ATP2B2: variants seen among roughly 807,000 people sequenced by gnomAD.
ATP2B2 encodes the protein ATPase plasma membrane Ca2+ transporting 2.
In ATP2B2, 15 loss-of-function variants were observed where a neutral mutation model predicts 120.0. The ratio of observed to expected loss-of-function variants is 0.12; its 90% CI spans 0.08 to 0.19. The LOEUF is 0.19. Among genes scored for constraint, ATP2B2 ranks in the 10% least tolerant of loss-of-function variants. ATP2B2 has a pLI of 1.00. For synonymous variants in ATP2B2, 694 were observed against 700.3 expected, an observed-to-expected ratio of 0.99 and a Z score of 0.14; for missense variants, 1,045 against 1,719.8, an observed-to-expected ratio of 0.61 and a Z score of 6.94.
chr3:10,436,097 G>A (rs764779001), intron 2 of ATP2B2, among the ~76,000 whole-genome samples: 6 of 152,206 alleles, frequency 3.9e-5, no homozygotes, highest in African/African-American at 9.6e-5. Context: ...CTCCTGGGAC[G>A]TAGAATCAGT....
intron 1 of ATP2B2, among the ~76,000 whole-genome samples, chr3:10,655,274 T>C (rs1321317551): frequency 1.7e-5 from 2 of 117,276 alleles, no homozygotes; most frequent in Non-Finnish European, 3.2e-5. Flanking sequence ...CCTCTCCTAT[T>C]GGGATTTGAA....
rs578262650 is a variant in ATP2B2, at chr3:10,699,508, T to C, written c.-460+8407A>G. 1.4e-4 allele frequency among the ~76,000 whole-genome samples: 22 copies of C among 152,296 alleles called. No homozygotes were observed. The South Asian group carries it at 4.2e-3, about 29-fold the overall frequency. On this transcript the variant is annotated intron_variant, in intron 1 of 21. Coordinates refer to the ATP2B2 transcript ENST00000646379. ...GGAAGGACATTTGACAAAATATTAA[T>C]GGAGATTAGCTTTGTTTTGTGGTGT...
intron 17 of ATP2B2, 93 bp from the exon 18 acceptor site, chr3:10,345,668 C>T: frequency 1.6e-6 from 2 of 1,240,700 alleles, no homozygotes; most frequent in Non-Finnish European, 2.3e-6. Flanking sequence ...TTCCTCAGTC[C>T]TACACAACTC....
chr3:10,571,136 T>C (rs1575508811), intron 2 of ATP2B2, among the ~76,000 whole-genome samples: 1 of 152,218 alleles, frequency 6.6e-6, no homozygotes, highest in Admixed American at 6.5e-5. Context: ...GAAGGTGTTC[T>C]GGAAGTTTCT....
At chr3:10,407,351 C>G (rs2062449993) in intron 3 of ATP2B2, among the ~76,000 whole-genome samples, 3 of 152,228 alleles carry the variant, frequency 2.0e-5, no homozygotes, top group African/African-American at 4.8e-5. Flanking sequence ...AGTCGTCCAT[C>G]TTTCCTATGG....
chr3:10,579,695 A>G (rs1161435947), intron 2 of ATP2B2, among the ~76,000 whole-genome samples: 2 of 152,192 alleles, frequency 1.3e-5, no homozygotes, highest in Non-Finnish European at 2.9e-5. Context: ...CTGTAATCCC[A>G]GTTACTTGGG....
upstream of ATP2B2, among the ~76,000 whole-genome samples, chr3:10,508,482 G>A (rs947270037): frequency 3.3e-5 from 5 of 152,162 alleles, no homozygotes; most frequent in Non-Finnish European, 5.9e-5. Context: ...TGTGTTAGAT[G>A]GTGCAGTAAA....
chr3:10,395,471 G>A (rs924777380), intron 5 of ATP2B2, among the ~76,000 whole-genome samples: 1 of 152,238 alleles, frequency 6.6e-6, no homozygotes, highest in African/African-American at 2.4e-5. Context: ...CACACCTGCA[G>A]TGTCTAGCGG....
At chr3:10,451,718 G>T (rs900410612) in intron 1 of ATP2B2, among the ~76,000 whole-genome samples, 1 of 152,176 alleles carries the variant, frequency 6.6e-6, no homozygotes, top group African/African-American at 2.4e-5. Flanking sequence ...GAAACTGCAC[G>T]CTTGGTGCTC....
intron 1 of ATP2B2, among the ~76,000 whole-genome samples, chr3:10,505,174 G>A (rs1294040636): frequency 1.3e-5 from 2 of 152,074 alleles, no homozygotes; most frequent in Non-Finnish European, 2.9e-5. Context: ...CTGGGCATCC[G>A]CTTGTCCGAG....
intron 2 of ATP2B2, 129 bp from the exon 3 acceptor site, chr3:10,410,944 C>G: frequency 8.9e-7 from 1 of 1,125,834 alleles, no homozygotes; most frequent in Admixed American, 1.8e-5. Flanking sequence ...AGCCCAACAT[C>G]TCTTCATGCT....
At chr3:10,376,044 A>G (rs945875162) in intron 10 of ATP2B2, among the ~76,000 whole-genome samples, 5 of 152,210 alleles carry the variant, frequency 3.3e-5, no homozygotes, top group Non-Finnish European at 5.9e-5. Context: ...TGAAGTTGGT[A>G]TCATTTATTT....
intron 2 of ATP2B2, among the ~76,000 whole-genome samples, chr3:10,417,049 C>T (rs1423428279): frequency 7.1e-6 from 1 of 140,938 alleles, no homozygotes; most frequent in Non-Finnish European, 1.5e-5. Context: ...CAGAGGTGCT[C>T]CTCACTTCCC....
intron 1 of ATP2B2, among the ~76,000 whole-genome samples, chr3:10,471,005 G>A (rs563514703): frequency 1.3e-5 from 2 of 152,322 alleles, no homozygotes; most frequent in East Asian, 1.9e-4. Context: ...GGGGCCTGGG[G>A]GGCCCTGCGG....
intron 1 of ATP2B2, among the ~76,000 whole-genome samples, chr3:10,645,001 G>A (rs1016687342): frequency 1.3e-5 from 2 of 152,008 alleles, no homozygotes; most frequent in Non-Finnish European, 2.9e-5. Context: ...CTCTTCTTAG[G>A]TAATATACCA....
At chr3:10,468,839 T>G (rs1159924642) in intron 1 of ATP2B2, among the ~76,000 whole-genome samples, 1 of 152,236 alleles carries the variant, frequency 6.6e-6, no homozygotes, top group Non-Finnish European at 1.5e-5. Flanking sequence ...GACGTACTCA[T>G]GGGCCCACTT....
chr3:10,695,878 C>G lies in ATP2B2; in HGVS notation c.-460+12037G>C, dbSNP rs139531029. Among the ~76,000 whole-genome samples, 88 of 152,328 alleles carry G rather than the reference C, an allele frequency of 5.8e-4. 1 individual carries two copies. In the East Asian group the frequency reaches 0.014, roughly 24 times the overall value. ...GCAATCTTCAGCTAGACAAAGCTCC[C>G]TGAACATGGTGACATTCCCACAAGA... On this transcript the variant is annotated intron_variant, in intron 1 of 21. Transcript: ENST00000646379.
chr3:10,335,574 G>C (rs1330032897), intron 22 of ATP2B2, among the ~76,000 whole-genome samples: 1 of 152,156 alleles, frequency 6.6e-6, no homozygotes, highest in Non-Finnish European at 1.5e-5. Flanking sequence ...TGACCAACTG[G>C]GAAAGTCTGG....
At chr3:10,558,478 C>G (rs2067828531) in intron 2 of ATP2B2, among the ~76,000 whole-genome samples, 1 of 152,138 alleles carries the variant, frequency 6.6e-6, no homozygotes, top group Non-Finnish European at 1.5e-5. Context: ...CTTTTACCAC[C>G]ACGCAAGGAG....
Sources: allele counts gnomAD v4.1 joint callset (sites outside exome capture counted in the v4.1 genomes callset), GRCh38; gene constraint gnomAD v4.1.1; transcripts MANE v1.5; gene names NCBI Gene and HGNC (gene_info 2026-07-23, HGNC 2026-07-21).